Variants in PRLR observed in about 807,000 individuals in gnomAD.
PRLR encodes prolactin receptor, also known as hPRL receptor.
In PRLR, 13 loss-of-function variants were observed where a neutral mutation model predicts 40.2. The ratio of observed to expected loss-of-function variants is 0.32; its 90% confidence interval spans 0.21 to 0.51. PRLR has a LOEUF of 0.51. PRLR is among the 20% of genes least tolerant of loss of function. PRLR has a pLI of 0.97. For missense variants in PRLR, 656 were observed against 747.3 expected, an observed-to-expected ratio of 0.88 and a Z score of 1.42; for synonymous variants, 269 against 278.7, an observed-to-expected ratio of 0.97 and a Z score of 0.35.
intron 1 of PRLR, among the ~76,000 whole-genome samples, chr5:35,177,149 C>A (rs991044959): frequency 6.6e-6 from 1 of 152,190 alleles, no homozygotes; most frequent in Non-Finnish European, 1.5e-5. Context: ...TGACACCTCC[C>A]CCTCTTCGAG....
At chr5:35,093,862 G>A (rs1381247782) in intron 2 of PRLR, among the ~76,000 whole-genome samples, 1 of 152,158 alleles carries the variant, frequency 6.6e-6, no homozygotes, top group Non-Finnish European at 1.5e-5. Context: ...TTACCATTCT[G>A]TAACAATTGC....
intron 2 of PRLR, among the ~76,000 whole-genome samples, chr5:35,106,659 T>C (rs1033611727): frequency 6.6e-6 from 1 of 152,164 alleles, no homozygotes; most frequent in African/African-American, 2.4e-5. Context: ...AAGGGATCAA[T>C]TCAACAAGAA....
In PRLR at chr5:35,099,134, C is replaced by A. The variant is rs530403296; in HGVS notation, c.-43-9471G>T. ...AATTTGGTTTTCTTTTCCTTTCTGG[C>A]CACACAGTTAAAGTTACTTCATTGC... On this transcript the variant is annotated intron_variant, in intron 2 of 9. Transcript: ENST00000618457. 2.0e-5 allele frequency among the ~76,000 whole-genome samples: 3 copies of A among 152,320 alleles called. No homozygotes were observed. In the South Asian group the frequency reaches 6.2e-4, roughly 32 times the overall value.
At chr5:35,148,483 A>G (rs1236294207) in intron 1 of PRLR, among the ~76,000 whole-genome samples, 3 of 152,166 alleles carry the variant, frequency 2.0e-5, no homozygotes, top group African/African-American at 7.2e-5. Context: ...CAAGGATGGA[A>G]GAGAGTGAGC....
At chr5:35,094,451 T>C (rs1168929694) in intron 2 of PRLR, among the ~76,000 whole-genome samples, 2 of 152,238 alleles carry the variant, frequency 1.3e-5, no homozygotes, top group African/African-American at 2.4e-5. Context: ...ACTGTGTTGA[T>C]GGACATTTGA....
chr5:35,157,118 T>C (rs1774532443), intron 1 of PRLR, among the ~76,000 whole-genome samples: 5 of 152,016 alleles, frequency 3.3e-5, no homozygotes, highest in Admixed American at 3.3e-4. Flanking sequence ...TTGAGGAAGC[T>C]GTTGTCCTGC....
chr5:35,091,688 G>T (rs1771219694), intron 2 of PRLR, among the ~76,000 whole-genome samples: 1 of 152,300 alleles, frequency 6.6e-6, no homozygotes, highest in African/African-American at 2.4e-5. Flanking sequence ...ATTCTGAGTA[G>T]GGGCAGGAGA....
At chr5:35,180,178 G>A (rs1775256879) in intron 1 of PRLR, among the ~76,000 whole-genome samples, 1 of 152,312 alleles carries the variant, frequency 6.6e-6, no homozygotes. Flanking sequence ...ACAGGAGGCT[G>A]AGCTCAGGCA....
At chr5:35,085,777 G>A (rs56127361) in intron 4 of PRLR, among the ~76,000 whole-genome samples, 2,003 of 152,272 alleles carry the variant, frequency 0.013, 43 homozygotes, top group African/African-American at 0.046. Flanking sequence ...TAGCAATTAA[G>A]AAACACTTCT....
At chr5:35,163,225 C>T (rs1561342203) in intron 1 of PRLR, among the ~76,000 whole-genome samples, 2 of 152,144 alleles carry the variant, frequency 1.3e-5, no homozygotes, top group Non-Finnish European at 2.9e-5. Context: ...CAATAAATTT[C>T]ATTTTTCTCC....
chr5:35,157,148 A>G (rs986512836), intron 1 of PRLR, among the ~76,000 whole-genome samples: 1 of 152,164 alleles, frequency 6.6e-6, no homozygotes, highest in East Asian at 2.0e-4. Context: ...CTGTCCCTAG[A>G]TACATCAACA....
intron 5 of PRLR, chr5:35,081,948 A>G: frequency 5.0e-6 from 1 of 200,078 alleles, no homozygotes; most frequent in Admixed American, 4.8e-5. Flanking sequence ...ACAGTGAATT[A>G]GGCTGCAGCA....
In PRLR at chr5:35,190,469, G is replaced by T. The variant is rs372575538; in HGVS notation, c.-106+39799C>A. Among the ~76,000 whole-genome samples the T allele has an allele frequency of 1.4e-3, 208 of 152,242 alleles. 1 individual carries two copies. Among genetic ancestry groups the T allele is most frequent in the African/African-American group, 4.8e-3 (201 of 41,536 alleles). On this transcript the variant is annotated intron_variant, in intron 1 of 9. Coordinates refer to ENST00000618457, the MANE Select transcript of PRLR (RefSeq NM_000949.7). ...AAAATACAAAAATTAGCTGGGCATA[G>T]TGGCAGGTGCCTGTAATCCTAGCTA...
At chr5:35,087,971 TC>T (rs946553912) in intron 3 of PRLR, among the ~76,000 whole-genome samples, 26 of 152,194 alleles carry the variant, frequency 1.7e-4, no homozygotes, top group African/African-American at 6.0e-4. Flanking sequence ...GGGGGTTCTC[TC>T]TGTTTTCTCC....
At chr5:35,052,384 G>A (rs1768524114), downstream of PRLR, among the ~76,000 whole-genome samples, 1 of 152,270 alleles carries the variant, frequency 6.6e-6, no homozygotes, top group South Asian at 2.1e-4. Context: ...AATTTGAGAA[G>A]TTTTAAAATC....
At chr5:35,102,518 C>T (rs1036949325) in intron 2 of PRLR, among the ~76,000 whole-genome samples, 2 of 132,700 alleles carry the variant, frequency 1.5e-5, no homozygotes, top group Non-Finnish European at 3.2e-5. Flanking sequence ...CTCCTCTCCT[C>T]TCCTCTCCTC....
At chr5:35,163,034 G>A (rs1034907764) in intron 1 of PRLR, among the ~76,000 whole-genome samples, 7 of 152,122 alleles carry the variant, frequency 4.6e-5, no homozygotes, top group African/African-American at 7.2e-5. Flanking sequence ...ACCGACTTGC[G>A]CACTGGGAGG....
At chr5:35,086,461 A>G in intron 3 of PRLR, 121 bp from the exon 4 acceptor site, 1 of 1,242,396 alleles carries the variant, frequency 8.0e-7, no homozygotes. Context: ...GGCTGAGGAG[A>G]CCTAGGGTGG....
chr5:35,065,405 T>C lies in PRLR; in HGVS notation c.1553A>G (p.Asp518Gly), dbSNP rs1769294100. 2.5e-6 allele frequency: 4 copies of C among 1,614,168 alleles called. No individual in the cohort carries two copies. The highest frequency in any genetic ancestry group is 1.6e-4 in the Middle Eastern group (1 of 6,062). ...TTTTGGTAGCAATGATAATGCACCA[T>C]CTTTGTTGACCTTGTGAATCTCCAC... ...DYVEIHKVNKDGALSLLPKQR... is the reference protein window; with the variant it reads ...DYVEIHKVNKGGALSLLPKQR... Residue 518 changes from aspartate to glycine, a missense_variant, in exon 10 of 10, where the codon GAT becomes GGT. Transcript: ENST00000618457.
Sources: allele counts gnomAD v4.1 joint callset (sites outside exome capture counted in the v4.1 genomes callset), GRCh38; gene constraint gnomAD v4.1.1; transcripts MANE v1.5; gene names NCBI Gene and HGNC (gene_info 2026-07-23, HGNC 2026-07-21).